OSGIN2: variants seen among roughly 807,000 people sequenced by gnomAD.
OSGIN2 encodes oxidative stress-induced growth inhibitor 2.
OSGIN2 carries 19 observed loss-of-function variants against 53.8 expected under a neutral mutation model. The ratio of observed to expected loss-of-function variants is 0.35; its 90% CI spans 0.25 to 0.52. The LOEUF is 0.52. Among genes scored for constraint, OSGIN2 ranks in the 20% least tolerant of loss-of-function variants. The pLI is 0.95. For missense variants in OSGIN2, 520 were observed against 662.7 expected, an observed-to-expected ratio of 0.78 and a Z score of 2.36; for synonymous variants, 236 against 236.0, an observed-to-expected ratio of 1.00 and a Z score of 0.00.
rs763416974 is a variant in OSGIN2, at chr8:89,925,134, G to A, written c.1252G>A (p.Asp418Asn). 37 of 1,613,912 alleles carry A rather than the reference G, an allele frequency of 2.3e-5. No individual in the cohort carries two copies. The South Asian group carries it at 4.1e-4, about 18-fold the overall frequency. The change falls in exon 6 of 6, where the codon GAT (aspartate) becomes AAT (asparagine). Residue 418 changes from aspartate to asparagine, a missense_variant. Physicochemically the swap from Asp to Asn is conservative, Grantham distance 23. This residue lies in a region of OSGIN2 where 239 missense variants were observed against 328.3 expected (regional missense o/e 0.73). Coordinates refer to ENST00000451899, the MANE Select transcript of OSGIN2 (RefSeq NM_001126111.3). Reference protein sequence around the residue: ...SYSVDSNLLSDYTSFPEHRVL... With the variant: ...SYSVDSNLLSNYTSFPEHRVL... Reference sequence around the variant, plus strand: ...TTCTGTAGACTCAAATCTTTTATCTGATTATACCAGCTTTCCCGAGCACCG... The same window carrying A: ...TTCTGTAGACTCAAATCTTTTATCTAATTATACCAGCTTTCCCGAGCACCG...
chr8:89,919,659 G>A (rs138583224), intron 4 of OSGIN2, among the ~76,000 whole-genome samples: 4 of 152,160 alleles, frequency 2.6e-5, no homozygotes, highest in Non-Finnish European at 4.4e-5. Context: ...TAAAAGGTTG[G>A]AACAACGCAG....
At chr8:89,912,681 G>A (rs1216668582) in intron 2 of OSGIN2, among the ~76,000 whole-genome samples, 2 of 151,964 alleles carry the variant, frequency 1.3e-5, no homozygotes, top group Non-Finnish European at 2.9e-5. Context: ...AGGAGGCAGA[G>A]GTTGCAGTGA....
chr8:89,909,518 G>T, intron 1 of OSGIN2, 49 bp from the exon 2 acceptor site: 1 of 998,396 alleles, frequency 1.0e-6, no homozygotes, highest in South Asian at 2.0e-5. Flanking sequence ...TTTTTATAAA[G>T]GCTATATTGA....
Position 89,924,628 on chromosome 8 carries a change from A to T in OSGIN2, c.746A>T (p.Tyr249Phe). The stretch of plus-strand genomic sequence containing the variant: ...TACATAACTTCCGTATCAAGACTCT[A>T]CAGAGATCAAGATGATGATGATATT... ...NTYITSVSRL[Y>F]RDQDDDDIQD... The change falls in exon 6 of 6, where the codon TAC becomes TTC. Residue 249 changes from tyrosine to phenylalanine, a missense_variant. By Grantham distance (22) the Tyr-to-Phe change is conservative. This residue lies in a region of OSGIN2 where 78 missense variants were observed against 59.1 expected (regional missense o/e 1.32). Coordinates refer to ENST00000451899, the MANE Select transcript of OSGIN2 (RefSeq NM_001126111.3). 1 of 1,613,938 alleles carries T rather than the reference A, an allele frequency of 6.2e-7. No homozygotes were observed. Among genetic ancestry groups the T allele is most frequent in the African/African-American group, 1.3e-5 (1 of 75,044 alleles).
intron 5 of OSGIN2, among the ~76,000 whole-genome samples, chr8:89,923,912 G>T (rs1809259040): frequency 6.6e-6 from 1 of 152,098 alleles, no homozygotes; most frequent in Non-Finnish European, 1.5e-5. Context: ...TTATGTTTTA[G>T]CTCTGCTTGT....
chr8:89,903,434 C>T (rs1332395974), intron 1 of OSGIN2, among the ~76,000 whole-genome samples: 1 of 152,174 alleles, frequency 6.6e-6, no homozygotes, highest in African/African-American at 2.4e-5. Context: ...CACATTTGGT[C>T]AACACCTCAG....
chr8:89,912,410 C>T lies in OSGIN2; in HGVS notation c.200-1667C>T, dbSNP rs1438237989. On this transcript the variant is annotated intron_variant, in intron 2 of 5. Coordinates refer to ENST00000451899, the MANE Select transcript of OSGIN2 (RefSeq NM_001126111.3). The stretch of plus-strand genomic sequence containing the variant: ...TGGCGTTGCAGTAAAGAAGTTGACA[C>T]AAGGCCAGCCCATGTGAGAGAACTG... Among the ~76,000 whole-genome samples, 7 of 152,262 alleles carry T rather than the reference C, an allele frequency of 4.6e-5. No individual in the cohort carries two copies. The South Asian group carries it at 1.0e-3, about 23-fold the overall frequency.
chr8:89,921,717 C>T (rs1205960130), intron 5 of OSGIN2, among the ~76,000 whole-genome samples: 1 of 152,144 alleles, frequency 6.6e-6, no homozygotes, highest in South Asian at 2.1e-4. Context: ...CGCAGTGGCT[C>T]ACGCCTGTAA....
chr8:89,905,291 T>G (rs1808815123), intron 1 of OSGIN2, among the ~76,000 whole-genome samples: 1 of 152,216 alleles, frequency 6.6e-6, no homozygotes, highest in Admixed American at 6.5e-5. Context: ...TAATTTTGCA[T>G]GTAAAGTGCT....
chr8:89,903,039 C>A (rs544594418), intron 1 of OSGIN2, among the ~76,000 whole-genome samples: 1 of 152,194 alleles, frequency 6.6e-6, no homozygotes, highest in Non-Finnish European at 1.5e-5. Flanking sequence ...CTGCGCTGTT[C>A]CCTTTTCTCG....
intron 4 of OSGIN2, among the ~76,000 whole-genome samples, chr8:89,915,480 T>TA (rs1809059130): frequency 6.6e-6 from 1 of 152,192 alleles, no homozygotes; most frequent in Non-Finnish European, 1.5e-5. Context: ...TGAGGGTAGA[T>TA]ACAATTCGGT....
At chr8:89,921,412 G>A (rs955123231) in intron 5 of OSGIN2, 2 of 379,546 alleles carry the variant, frequency 5.3e-6, no homozygotes, top group Non-Finnish European at 9.4e-6. Context: ...TTAATCATGG[G>A]TTTATCTACT....
chr8:89,926,887 T>C lies in OSGIN2; in HGVS notation c.*1355T>C, dbSNP rs904217279. 2.0e-5 allele frequency: 3 copies of C among 152,218 alleles called. No individual in the cohort carries two copies. Among genetic ancestry groups the C allele is most frequent in the Non-Finnish European group, 4.4e-5 (3 of 68,024 alleles). The allele number at this position is 152,218 out of a possible 1,614,324, so 9.4% of individuals were successfully genotyped here. The stretch of plus-strand genomic sequence containing the variant: ...TTGCAGTATTAAATGCTTAAGCTTA[T>C]TAGGACCATAATTCACTTTAAATAT... On this transcript the variant is annotated 3_prime_UTR_variant, in exon 6 of 6. Transcript: ENST00000451899.
At chr8:89,905,104 G>A (rs1808807520) in intron 1 of OSGIN2, among the ~76,000 whole-genome samples, 3 of 152,198 alleles carry the variant, frequency 2.0e-5, no homozygotes, top group Admixed American at 2.0e-4. Flanking sequence ...ATTTAAACAA[G>A]TACTGCTATG....
At position 89,924,980 on chromosome 8, in the gene OSGIN2, C is replaced by T. The variant is rs1242934584; in HGVS notation, c.1098C>T (p.Asn366=). The part of the protein sequence containing the change: ...TAADAVLCAY[N]SNIPVIHVFR... ...CTGACGCAGTACTGTGTGCTTACAACAGTAATATCCCTGTGATTCATGTGT... is the reference window on the plus strand; with the variant it reads ...CTGACGCAGTACTGTGTGCTTACAATAGTAATATCCCTGTGATTCATGTGT... The change falls in exon 6 of 6, where the codon AAC becomes AAT. Residue 366 remains asparagine (N), a synonymous_variant. Coordinates refer to ENST00000451899, the MANE Select transcript of OSGIN2 (RefSeq NM_001126111.3). 6.2e-7 allele frequency: 1 copy of T among 1,614,126 alleles called. No individual in the cohort carries two copies. The highest frequency in any genetic ancestry group is 1.1e-5 in the South Asian group (1 of 91,078).
At chr8:89,902,426 C>A (rs2130681591), upstream of OSGIN2, 1 of 152,228 alleles carries the variant, frequency 6.6e-6, no homozygotes, top group Middle Eastern at 3.4e-3. Context: ...AGGCCCGGCC[C>A]CTCGCCCGGG....
intron 1 of OSGIN2, among the ~76,000 whole-genome samples, chr8:89,909,040 ATATATATATACATATATATATAT>A (rs1808910192): frequency 1.1e-5 from 1 of 94,908 alleles, no homozygotes; most frequent in African/African-American, 8.2e-5. Flanking sequence ...AAAAAAAAAT[ATATATATATACATATATATATAT>A]ATAATGTATA....
chr8:89,920,694 TAATG>T (rs1168516578), intron 4 of OSGIN2, among the ~76,000 whole-genome samples: 5 of 152,190 alleles, frequency 3.3e-5, no homozygotes, highest in Non-Finnish European at 5.9e-5. Flanking sequence ...TTTTGGAACT[TAATG>T]AACATTTTTC....
chr8:89,909,482 C>G, intron 1 of OSGIN2, 85 bp from the exon 2 acceptor site: 1 of 662,110 alleles, frequency 1.5e-6, no homozygotes, highest in Non-Finnish European at 2.3e-6. Context: ...TATTTTATGT[C>G]TAAATAAACT....
Sources: gnomAD v4.1 joint callset for allele counts (sites outside exome capture counted in the v4.1 genomes callset) on GRCh38, gnomAD v4.1.1 for gene constraint, gnomAD v4.1.1 regional missense constraint, MANE v1.5 for transcripts, NCBI Gene and HGNC (gene_info 2026-07-23, HGNC 2026-07-21) for gene names.